TSGA10: variants seen among roughly 807,000 people sequenced by gnomAD.
The protein encoded by TSGA10 is testis specific 10.
TSGA10 carries 43 observed loss-of-function variants against 96.6 expected under a neutral mutation model. That is an observed-to-expected ratio of 0.44 (90% confidence interval 0.35 to 0.57). The LOEUF (loss-of-function observed/expected upper bound fraction) is 0.57, where lower values mean the gene tolerates loss of function less well. Among genes scored for constraint, TSGA10 ranks in the 20% least tolerant of loss-of-function variants. TSGA10 has a pLI of 0.01. For missense variants in TSGA10, 703 were observed against 834.4 expected, an observed-to-expected ratio of 0.84 and a Z score of 1.94; for synonymous variants, 229 against 269.9, an observed-to-expected ratio of 0.85 and a Z score of 1.48.
rs748840394 is a variant in TSGA10, at chr2:99,117,570, C to T, written c.-166G>A. The T allele has an allele frequency of 1.2e-4, 118 of 985,638 alleles. No homozygotes were observed. The highest frequency in any genetic ancestry group is 1.2e-4 in the Non-Finnish European group (101 of 829,890). The allele number at this position is 985,638 out of a possible 1,614,324, so 61.1% of individuals were successfully genotyped here. ...TTGGCTTCTTCAAGTTCCTTGTTGG[C>T]GGAATCCACCACAAAATTTTTCTCT... On this transcript the variant is annotated 5_prime_UTR_variant, in exon 4 of 21. Coordinates refer to ENST00000393483, the MANE Select transcript of TSGA10 (RefSeq NM_025244.4).
chr2:99,138,173 T>G (rs1279662669), intron 1 of TSGA10, among the ~76,000 whole-genome samples: 1 of 152,222 alleles, frequency 6.6e-6, no homozygotes, highest in Non-Finnish European at 1.5e-5. Context: ...GCTCTTGCTT[T>G]TCCTCTCTCA....
At chr2:99,141,834 T>C (rs927341655) in intron 1 of TSGA10, 1 of 152,430 alleles carries the variant, frequency 6.6e-6, no homozygotes, top group Non-Finnish European at 1.5e-5. Flanking sequence ...CTCTCAGAGC[T>C]GCTTTCGGGC....
At chr2:99,088,307 T>C (rs2088825837) in intron 10 of TSGA10, among the ~76,000 whole-genome samples, 1 of 152,212 alleles carries the variant, frequency 6.6e-6, no homozygotes, top group African/African-American at 2.4e-5. Context: ...TAATTAGTTA[T>C]TGTTGTTATA....
intron 1 of TSGA10, among the ~76,000 whole-genome samples, chr2:99,127,784 C>T (rs577688885): frequency 1.4e-4 from 22 of 152,178 alleles, no homozygotes; most frequent in African/African-American, 3.9e-4. Context: ...TACGTATCAC[C>T]GGTGGGAGAG....
At chr2:99,100,926 T>C (rs1319866159) in intron 10 of TSGA10, among the ~76,000 whole-genome samples, 1 of 142,528 alleles carries the variant, frequency 7.0e-6, no homozygotes, top group African/African-American at 2.6e-5. Flanking sequence ...ATTTTCTCAG[T>C]TAAAAAAAAA....
At chr2:99,087,198 C>T (rs551412513) in intron 10 of TSGA10, among the ~76,000 whole-genome samples, 1 of 150,502 alleles carries the variant, frequency 6.6e-6, no homozygotes, top group African/African-American at 2.5e-5. Context: ...TGCAACACTC[C>T]GTCTCAAAAA....
intron 10 of TSGA10, among the ~76,000 whole-genome samples, chr2:99,089,200 G>A (rs180798280): frequency 0.027 from 4,067 of 152,254 alleles, 162 homozygotes; most frequent in African/African-American, 0.092. Flanking sequence ...ATACTTTAGA[G>A]AGCCAAGCGA....
intron 10 of TSGA10, among the ~76,000 whole-genome samples, chr2:99,098,033 G>A (rs1363212983): frequency 6.6e-6 from 1 of 151,892 alleles, no homozygotes; most frequent in Non-Finnish European, 1.5e-5. Flanking sequence ...AAATTGACAG[G>A]TCTCCAAGGA....
At chr2:99,106,553 TAA>T (rs34383742) in intron 7 of TSGA10, among the ~76,000 whole-genome samples, 12 of 147,868 alleles carry the variant, frequency 8.1e-5, no homozygotes, top group Admixed American at 1.4e-4. Context: ...TGCGACACAT[TAA>T]AAAAAAAAAG....
chr2:99,087,048 C>CA (rs1339991907), intron 10 of TSGA10, among the ~76,000 whole-genome samples: 2 of 151,872 alleles, frequency 1.3e-5, no homozygotes, highest in Non-Finnish European at 2.9e-5. Flanking sequence ...ACTAAAAATA[C>CA]AAAAAATTAG....
Position 99,001,398 on chromosome 2 carries a change from T to G in TSGA10, c.2073-3177A>C, listed in dbSNP as rs1378839380. 2.6e-5 allele frequency among the ~76,000 whole-genome samples: 4 copies of G among 152,168 alleles called. No individual in the cohort carries two copies. The East Asian group carries it at 5.8e-4, about 22-fold the overall frequency. On this transcript the variant is annotated intron_variant, in intron 20 of 20. Coordinates refer to ENST00000393483, the MANE Select transcript of TSGA10 (RefSeq NM_025244.4). Reference sequence around the variant, plus strand: ...GACCTGCAGCTGAGGGTCCTGACTGTTAGAAGGAAAACTAACAAACAGAAA... The same window carrying G: ...GACCTGCAGCTGAGGGTCCTGACTGGTAGAAGGAAAACTAACAAACAGAAA...
chr2:99,126,929 T>C, intron 2 of TSGA10, 119 bp downstream of exon 2: 2 of 936,260 alleles, frequency 2.1e-6, no homozygotes, highest in Admixed American at 3.6e-5. Context: ...TGAATGATTT[T>C]AGACCCATAA....
chr2:99,002,899 G>A (rs7423826), intron 20 of TSGA10, among the ~76,000 whole-genome samples: 53,052 of 150,710 alleles, frequency 0.35, 10,631 homozygotes, highest in African/African-American at 0.55. Context: ...TCACTCTGTC[G>A]CCCAGGCTGG....
intron 16 of TSGA10, among the ~76,000 whole-genome samples, chr2:99,043,943 G>A (rs983998192): frequency 1.3e-5 from 2 of 152,134 alleles, no homozygotes; most frequent in Non-Finnish European, 2.9e-5. Flanking sequence ...CTTCATAAGA[G>A]AAGGAGAAAT....
chr2:99,095,472 T>A (rs2089932998), intron 10 of TSGA10, among the ~76,000 whole-genome samples: 2 of 152,160 alleles, frequency 1.3e-5, no homozygotes, highest in African/African-American at 2.4e-5. Flanking sequence ...AATACTTTTT[T>A]AAGTGATAAT....
chr2:99,054,557 A>G (rs1194882168), intron 16 of TSGA10, among the ~76,000 whole-genome samples: 1 of 152,188 alleles, frequency 6.6e-6, no homozygotes, highest in Non-Finnish European at 1.5e-5. Flanking sequence ...AACAAAGAAA[A>G]GTGTGAAGAG....
intron 17 of TSGA10, among the ~76,000 whole-genome samples, chr2:99,029,598 A>G (rs1026763564): frequency 3.3e-5 from 5 of 152,210 alleles, no homozygotes; most frequent in Admixed American, 2.6e-4. Flanking sequence ...CAATATTCAA[A>G]AACAATTAAT....
chr2:99,004,895 A>G (rs1331347320), intron 20 of TSGA10, among the ~76,000 whole-genome samples: 1 of 152,208 alleles, frequency 6.6e-6, no homozygotes, highest in Admixed American at 6.5e-5. Context: ...ACTCCTCAAT[A>G]AAATACTCAC....
chr2:99,025,690 A>C (rs2080501615), intron 17 of TSGA10, among the ~76,000 whole-genome samples: 1 of 152,104 alleles, frequency 6.6e-6, no homozygotes. Flanking sequence ...TTAGTGACTT[A>C]AGAGTTTTCT....
Sources: allele counts gnomAD v4.1 joint callset (sites outside exome capture counted in the v4.1 genomes callset), GRCh38; gene constraint gnomAD v4.1.1; transcripts MANE v1.5; gene names NCBI Gene and HGNC (gene_info 2026-07-23, HGNC 2026-07-21).